The following ERICH1 variants were observed in gnomAD, a reference collection of about 807,000 sequenced individuals.
ERICH1 encodes glutamate-rich protein 1.
ERICH1 carries 56 observed loss-of-function variants against 39.6 expected under a neutral mutation model. The observed-to-expected ratio is 1.41, with a 90% CI of 1.14 to 1.77. The LOEUF (loss-of-function observed/expected upper bound fraction) is 1.77. Among genes scored for constraint, ERICH1 ranks in the 40% most tolerant of loss-of-function variants. The pLI, the probability that ERICH1 is intolerant of heterozygous loss-of-function variation, is 0.00. For missense variants in ERICH1, 826 were observed against 575.4 expected (o/e 1.44, Z -4.45); for synonymous variants, 313 against 223.6 (o/e 1.40, Z -3.57).
intron 2 of ERICH1, among the ~76,000 whole-genome samples, chr8:697,377 C>T (rs913064098): frequency 3.9e-5 from 6 of 152,136 alleles, no homozygotes; most frequent in Admixed American, 2.0e-4. Flanking sequence ...GCAACTGAAT[C>T]GGCAGGAAAA....
chr8:619,515 G>C (rs1370641707), intron 3 of ERICH1, among the ~76,000 whole-genome samples: 1 of 152,174 alleles, frequency 6.6e-6, no homozygotes, highest in Non-Finnish European at 1.5e-5. Flanking sequence ...CTGTACTGGA[G>C]AGAAAGCAAT....
chr8:653,514 T>TC (rs1477732372), intron 3 of ERICH1, among the ~76,000 whole-genome samples: 2 of 151,782 alleles, frequency 1.3e-5, no homozygotes, highest in African/African-American at 4.9e-5. Flanking sequence ...ATATATCACT[T>TC]CCCCTTTTTT....
At chr8:696,390 C>T (rs1441324217) in intron 2 of ERICH1, among the ~76,000 whole-genome samples, 5 of 17,258 alleles carry the variant, frequency 2.9e-4, no homozygotes, top group African/African-American at 4.7e-4. Context: ...TCACCCTCCA[C>T]TCTTCTCCTT....
intron 3 of ERICH1, 78 bp downstream of exon 3, chr8:692,400 G>A: frequency 6.2e-7 from 1 of 1,600,048 alleles, no homozygotes; most frequent in Non-Finnish European, 8.5e-7. Context: ...TTAGATAAAG[G>A]TATTACAATA....
At chr8:701,342 G>A (rs576971269) in intron 2 of ERICH1, among the ~76,000 whole-genome samples, 2 of 151,812 alleles carry the variant, frequency 1.3e-5, no homozygotes, top group African/African-American at 4.8e-5. Context: ...GGAGCACGCC[G>A]TACCCACGGG....
intron 3 of ERICH1, among the ~76,000 whole-genome samples, chr8:633,509 G>C: frequency 6.6e-6 from 1 of 152,114 alleles, no homozygotes; most frequent in East Asian, 1.9e-4. Flanking sequence ...AGAATCTCAA[G>C]GATATTTCTC....
At chr8:699,468 G>A (rs1036542533) in intron 2 of ERICH1, among the ~76,000 whole-genome samples, 3 of 152,108 alleles carry the variant, frequency 2.0e-5, no homozygotes, top group African/African-American at 7.2e-5. Flanking sequence ...GGACAAGCAC[G>A]AGCACAACAA....
chr8:716,044 G>T lies in ERICH1; in HGVS notation c.23-37C>A, dbSNP rs199616348. On this transcript the variant is annotated intron_variant, in intron 1 of 5. Transcript: ENST00000262109. ...ACCGATTAAAAGAAAAGGAGGAAAA[G>T]GAATGAATTATGCAGTTTATCTGAA... 475 of 1,565,200 alleles carry T rather than the reference G, an allele frequency of 3.0e-4. 1 individual carries two copies. Among genetic ancestry groups the T allele is most frequent in the Admixed American group, 1.4e-3 (71 of 50,252 alleles).
At position 664,561 on chromosome 8, in the gene ERICH1, T is replaced by A. The variant is rs1209424338; in HGVS notation, c.*42A>T. 1 of 1,576,828 alleles carries A rather than the reference T, an allele frequency of 6.3e-7. No individual in the cohort carries two copies. On this transcript the variant is annotated 3_prime_UTR_variant, in exon 6 of 6. Coordinates refer to ENST00000262109, the MANE Select transcript of ERICH1 (RefSeq NM_207332.3). The stretch of plus-strand genomic sequence containing the variant: ...CCCATCTCACATTTGTCTTTTAAGT[T>A]TTTTTGTTAAAGAGGAGCTGTTCTT...
chr8:703,080 C>G (rs984611602), intron 2 of ERICH1, among the ~76,000 whole-genome samples: 7 of 152,228 alleles, frequency 4.6e-5, no homozygotes, highest in Admixed American at 2.6e-4. Context: ...AAAGGGCTTA[C>G]GTCCACCTTC....
chr8:711,129 G>A (rs1159138147), intron 2 of ERICH1, among the ~76,000 whole-genome samples: 1 of 152,162 alleles, frequency 6.6e-6, no homozygotes, highest in East Asian at 1.9e-4. Context: ...TCTTTACATA[G>A]GATTATTTGC....
intron 5 of ERICH1, 177 bp downstream of exon 5, chr8:668,421 T>C (rs1356243984): frequency 2.2e-5 from 14 of 636,216 alleles, no homozygotes; most frequent in Non-Finnish European, 3.8e-5. Context: ...GAAATATTTT[T>C]ATATCAAGCA....
chr8:673,350 A>G lies in ERICH1; in HGVS notation c.1002T>C (p.Asn334=), dbSNP rs765513989. 3 of 1,613,810 alleles carry G rather than the reference A, an allele frequency of 1.9e-6. No individual in the cohort carries two copies. The highest frequency in any genetic ancestry group is 1.6e-4 in the Middle Eastern group (1 of 6,062). ...AATTTAGAATACTGTGTGCCTTTTC[A>G]TTGGTAATTGTATCATCTTCCTCGC... ...DASEEDDTIT[N]EKAHSILNFL... The change falls in exon 4 of 6, where the codon AAT becomes AAC. Residue 334 remains asparagine, a synonymous_variant. Transcript: ENST00000262109.
At chr8:698,899 G>T (rs1295504432) in intron 2 of ERICH1, among the ~76,000 whole-genome samples, 1 of 140,394 alleles carries the variant, frequency 7.1e-6, no homozygotes, top group African/African-American at 2.6e-5. Flanking sequence ...GTCTCTGTGA[G>T]TTTTTTTTTT....
intron 2 of ERICH1, among the ~76,000 whole-genome samples, chr8:693,197 C>G (rs371165289): frequency 6.6e-6 from 1 of 151,950 alleles, no homozygotes; most frequent in Non-Finnish European, 1.5e-5. Context: ...GGACAACAAA[C>G]ACACACAGAC....
intron 3 of ERICH1, among the ~76,000 whole-genome samples, chr8:679,049 C>T (rs945932990): frequency 1.1e-3 from 164 of 149,740 alleles, no homozygotes; most frequent in African/African-American, 3.9e-3. Context: ...CATCCCTCAG[C>T]AGTGACCTCT....
Position 719,328 on chromosome 8 carries a change from C to T in ERICH1, c.23-3321G>A, listed in dbSNP as rs1012671743. Among the ~76,000 whole-genome samples the T allele has an allele frequency of 7.8e-4, 119 of 152,358 alleles. 1 individual carries two copies. The highest frequency in any genetic ancestry group is 1.6e-3 in the Non-Finnish European group (111 of 68,030). ...TTTCTCCCATTTTCCTTGTACTCCA[C>T]CATCATGACATCTCTTGGGGCAGTT... is the stretch of plus-strand genomic sequence containing the variant. On this transcript the variant is annotated intron_variant, in intron 1 of 5. Coordinates refer to ENST00000262109, the MANE Select transcript of ERICH1 (RefSeq NM_207332.3).
intron 3 of ERICH1, among the ~76,000 whole-genome samples, chr8:624,710 T>TA (rs1473420839): frequency 8.6e-5 from 13 of 151,452 alleles, no homozygotes; most frequent in Non-Finnish European, 1.6e-4. Flanking sequence ...CTTTTTTTTT[T>TA]ATATTTTTTA....
intron 2 of ERICH1, among the ~76,000 whole-genome samples, chr8:699,150 A>C (rs1212010409): frequency 6.6e-6 from 1 of 152,070 alleles, no homozygotes; most frequent in Non-Finnish European, 1.5e-5. Context: ...ATCAGCTCAG[A>C]AACTCCCCGT....
Sources: allele counts gnomAD v4.1 joint callset (sites outside exome capture counted in the v4.1 genomes callset), GRCh38; gene constraint gnomAD v4.1.1; transcripts MANE v1.5; gene names NCBI Gene and HGNC (gene_info 2026-07-23, HGNC 2026-07-21).